Variants in EBF3 observed in about 807,000 individuals in gnomAD.
EBF3 encodes the protein EBF transcription factor 3, also known as transcription factor COE3.
EBF3 carries 18 observed loss-of-function variants against 77.1 expected under a neutral mutation model. The observed-to-expected ratio is 0.23, with a 90% confidence interval of 0.16 to 0.35. The LOEUF (loss-of-function observed/expected upper bound fraction) is 0.35, where lower values mean the gene tolerates loss of function less well. Ranked by LOEUF, EBF3 falls within the 10% of genes least tolerant of loss-of-function variation. The pLI, the probability that EBF3 is intolerant of heterozygous loss-of-function variation, is 1.00. For synonymous variants in EBF3, 350 were observed against 343.5 expected, an observed-to-expected ratio of 1.02 and a Z score of -0.21; for missense variants, 558 against 860.0, an observed-to-expected ratio of 0.65 and a Z score of 4.39.
intron 6 of EBF3, among the ~76,000 whole-genome samples, chr10:129,934,546 G>A (rs1392816364): frequency 3.9e-5 from 6 of 152,092 alleles, no homozygotes; most frequent in Admixed American, 1.3e-4. Flanking sequence ...TAAATGAGTC[G>A]CTCTGGGTAA....
chr10:129,957,087 T>A (rs1333079807), intron 6 of EBF3, among the ~76,000 whole-genome samples, 171 bp downstream of exon 6: 1 of 152,120 alleles, frequency 6.6e-6, no homozygotes, highest in African/African-American at 2.4e-5. Flanking sequence ...GCCACCAGGT[T>A]TCCAAGTCAA....
At chr10:129,902,230 A>AT (rs34324443) in intron 6 of EBF3, among the ~76,000 whole-genome samples, 18,302 of 142,258 alleles carry the variant, frequency 0.13, 1,322 homozygotes, top group East Asian at 0.33. Flanking sequence ...ACTTCCAGAC[A>AT]TTTTTTTTTT....
intron 10 of EBF3, among the ~76,000 whole-genome samples, chr10:129,858,385 G>T (rs1319515903): frequency 6.6e-6 from 1 of 152,228 alleles, no homozygotes; most frequent in Non-Finnish European, 1.5e-5. Context: ...TGTCCTGAAG[G>T]CTGTTCCATC....
intron 6 of EBF3, among the ~76,000 whole-genome samples, chr10:129,884,748 G>A (rs112343022): frequency 1.2e-4 from 18 of 152,186 alleles, no homozygotes; most frequent in African/African-American, 3.4e-4. Flanking sequence ...GAGCACACAC[G>A]CTATCCTGCA....
Position 129,900,393 on chromosome 10 carries a change from G to C in EBF3, c.555-22544C>G, listed in dbSNP as rs183739021. ...TTTTATAACCTAAGAGCAAGGATGGGGGGTAGGAGGGGGCTGGAGAGAGGC... is the reference window on the plus strand; with the variant it reads ...TTTTATAACCTAAGAGCAAGGATGGCGGGTAGGAGGGGGCTGGAGAGAGGC... On this transcript the variant is annotated intron_variant, in intron 6 of 16. Coordinates refer to ENST00000440978, the MANE Select transcript of EBF3 (RefSeq NM_001375380.1). Among the ~76,000 whole-genome samples, 170 of 152,330 alleles carry C rather than the reference G, an allele frequency of 1.1e-3. 1 individual carries two copies. The highest frequency in any genetic ancestry group is 3.3e-3 in the African/African-American group (137 of 41,574).
intron 6 of EBF3, among the ~76,000 whole-genome samples, chr10:129,945,393 C>T (rs1354192724): frequency 7.9e-5 from 12 of 152,274 alleles, no homozygotes; most frequent in Admixed American, 3.9e-4. Context: ...CATTCAGGCC[C>T]GTTTAAAGCA....
intron 6 of EBF3, among the ~76,000 whole-genome samples, chr10:129,891,146 A>T (rs758338868): frequency 6.6e-5 from 10 of 152,250 alleles, no homozygotes; most frequent in Non-Finnish European, 1.0e-4. Context: ...GTGTAATACT[A>T]ATATGCTTCA....
At chr10:129,942,632 T>A (rs1395540932) in intron 6 of EBF3, among the ~76,000 whole-genome samples, 3 of 152,142 alleles carry the variant, frequency 2.0e-5, no homozygotes, top group Non-Finnish European at 4.4e-5. Context: ...CCACACAGGG[T>A]GCATTCCAGA....
chr10:129,920,729 C>T (rs1221079252), intron 6 of EBF3, among the ~76,000 whole-genome samples: 1 of 152,262 alleles, frequency 6.6e-6, no homozygotes, highest in Non-Finnish European at 1.5e-5. Flanking sequence ...TGGCCCCGCA[C>T]TCTGTGTGTG....
intron 6 of EBF3, among the ~76,000 whole-genome samples, chr10:129,893,770 T>C (rs1436405851): frequency 1.3e-5 from 2 of 151,936 alleles, no homozygotes; most frequent in Admixed American, 1.3e-4. Context: ...TAAGCCAGAG[T>C]TTAAAGCTAC....
chr10:129,947,849 G>A lies in EBF3; in HGVS notation c.554+9409C>T, dbSNP rs1435982081. ...GACACTGAAAGGAAGGAAGCAGAGT[G>A]CCCAGTAACCTTTAAGAAGAAAAAA... is the stretch of plus-strand genomic sequence containing the variant. On this transcript the variant is annotated intron_variant, in intron 6 of 16. Transcript: ENST00000440978. The surrounding 1 kb of genome is among the most constrained non-coding windows in gnomAD (Gnocchi z 4.5). Among the ~76,000 whole-genome samples the A allele has an allele frequency of 6.6e-6, 1 of 151,938 alleles. No individual in the cohort carries two copies. Among genetic ancestry groups the A allele is most frequent in the African/African-American group, 2.4e-5 (1 of 41,372 alleles).
chr10:129,930,746 A>G (rs913212204), intron 6 of EBF3, among the ~76,000 whole-genome samples: 2 of 143,448 alleles, frequency 1.4e-5, no homozygotes, highest in Non-Finnish European at 3.0e-5. Flanking sequence ...CTATCTCTAT[A>G]TTAACAAATC....
At position 129,935,400 on chromosome 10, in the gene EBF3, A is replaced by G. The variant is rs1589899995; in HGVS notation, c.554+21858T>C. ...TGTCCTGCCTGGCTCCAGCAGAAGG[A>G]CCCAGTGCCATCATTCTGACCTTCC... On this transcript the variant is annotated intron_variant, in intron 6 of 16. Transcript: ENST00000440978. The surrounding 1 kb of genome is among the most constrained non-coding windows in gnomAD (Gnocchi z 4.2). 6.6e-6 allele frequency among the ~76,000 whole-genome samples: 1 copy of G among 151,968 alleles called. No homozygotes were observed. Among genetic ancestry groups the G allele is most frequent in the Admixed American group, 6.6e-5 (1 of 15,260 alleles).
At position 129,841,131 on chromosome 10, in the gene EBF3, A is replaced by G; in HGVS notation, c.1373-99T>C. ...ATCTATATCATATATTAACATTGCT[A>G]ATTGACCCTGTGCTTTCCACCTGCT... On this transcript the variant is annotated intron_variant, in intron 13 of 16. Transcript: ENST00000440978. This position sits in a 1 kb window ranked among gnomAD's most constrained non-coding sequence, Gnocchi z 4.6. 6.8e-7 allele frequency: 1 copy of G among 1,474,720 alleles called. No homozygotes were observed. Among genetic ancestry groups the G allele is most frequent in the South Asian group, 1.3e-5 (1 of 76,042 alleles). The allele number at this position is 1,474,720 out of a possible 1,614,324, so 91.4% of individuals were successfully genotyped here.
Position 129,837,891 on chromosome 10 carries a change from T to G in EBF3, c.*52A>C, listed in dbSNP as rs1433654238. 1.2e-6 allele frequency: 2 copies of G among 1,614,092 alleles called. No homozygotes were observed. Among genetic ancestry groups the G allele is most frequent in the Non-Finnish European group, 8.5e-7 (1 of 1,179,924 alleles). Reference sequence around the variant, plus strand: ...TAAACGTGTCCCCTGAAGTCCGTCCTTTGATGCTGGGTGCTGCGGAAGGTA... The same window carrying G: ...TAAACGTGTCCCCTGAAGTCCGTCCGTTGATGCTGGGTGCTGCGGAAGGTA... On this transcript the variant is annotated 3_prime_UTR_variant, in exon 17 of 17. Coordinates refer to ENST00000440978, the MANE Select transcript of EBF3 (RefSeq NM_001375380.1).
At chr10:129,881,945 A>C (rs1853242244) in intron 6 of EBF3, among the ~76,000 whole-genome samples, 1 of 152,244 alleles carries the variant, frequency 6.6e-6, no homozygotes, top group African/African-American at 2.4e-5. Flanking sequence ...GAGTCCCAAC[A>C]AAAAACTCCA....
intron 6 of EBF3, among the ~76,000 whole-genome samples, chr10:129,880,465 A>G (rs1853125262): frequency 6.6e-6 from 1 of 151,990 alleles, no homozygotes; most frequent in African/African-American, 2.4e-5. Context: ...ATGCAGACAC[A>G]TGCACACATA....
chr10:129,926,724 G>C (rs191155300), intron 6 of EBF3, among the ~76,000 whole-genome samples: 11 of 152,300 alleles, frequency 7.2e-5, no homozygotes, highest in Admixed American at 3.9e-4. Context: ...AGAATGGAAA[G>C]AGGGTGCTCC....
At chr10:129,922,466 TG>T (rs34168505) in intron 6 of EBF3, among the ~76,000 whole-genome samples, 5 of 152,126 alleles carry the variant, frequency 3.3e-5, no homozygotes, top group Non-Finnish European at 7.4e-5. Context: ...CTCTGTAGGG[TG>T]GGGGGTGCCT....
Sources: allele counts gnomAD v4.1 joint callset (sites outside exome capture counted in the v4.1 genomes callset), GRCh38; gene constraint gnomAD v4.1.1; non-coding constraint Gnocchi (gnomAD v3.1); transcripts MANE v1.5; gene names NCBI Gene and HGNC (gene_info 2026-07-23, HGNC 2026-07-21).